Variants in VTI1A observed in about 807,000 individuals in gnomAD.
The protein encoded by VTI1A is vesicle transport through interaction with t-SNAREs homolog 1A.
VTI1A carries 22 observed loss-of-function variants against 34.9 expected under a neutral mutation model. That is an observed-to-expected ratio of 0.63 (90% CI 0.45 to 0.90). The LOEUF (loss-of-function observed/expected upper bound fraction) is 0.90. VTI1A is among the 40% of genes least tolerant of loss of function. VTI1A has a pLI of 0.00. For missense variants in VTI1A, 268 were observed against 275.6 expected, an observed-to-expected ratio of 0.97 and a Z score of 0.20; for synonymous variants, 87 against 97.3, an observed-to-expected ratio of 0.89 and a Z score of 0.62.
chr10:112,855,021 A>G, the VTI1A span, among the ~76,000 whole-genome samples: 344 of 152,312 alleles, frequency 2.3e-3, 1 homozygote, highest in Middle Eastern at 0.01. Context: ...GAGTTCTGCC[A>G]GTTCTTCCCA....
chr10:112,638,133 G>A (rs1464411205), intron 5 of VTI1A, among the ~76,000 whole-genome samples: 4 of 152,222 alleles, frequency 2.6e-5, no homozygotes, highest in African/African-American at 7.2e-5. Flanking sequence ...CTGGTTGTTG[G>A]CAGAGAGTTC....
At chr10:112,852,343 G>A in the VTI1A span, among the ~76,000 whole-genome samples, 13 of 152,130 alleles carry the variant, frequency 8.5e-5, no homozygotes, top group Non-Finnish European at 1.5e-4. Flanking sequence ...ATTTTCCCAC[G>A]TTGAGAAAGC....
At chr10:112,835,400 C>T in the VTI1A span, among the ~76,000 whole-genome samples, 2 of 152,160 alleles carry the variant, frequency 1.3e-5, no homozygotes, top group African/African-American at 4.8e-5. Flanking sequence ...GGGGGGCCTT[C>T]GAGGAGGCAT....
intron 7 of VTI1A, among the ~76,000 whole-genome samples, chr10:112,811,712 A>AAAAAAAAAAAAAAAAAAAAAAAAAAAGAT (rs67154330): frequency 1.2e-5 from 1 of 84,066 alleles, no homozygotes; most frequent in Admixed American, 1.4e-4. Context: ...AAAAAAAAAA[A>AAAAAAAAAAAAAAAAAAAAAAAAAAAGAT]GAGTGCAGTC....
At chr10:112,655,580 TTGG>T (rs1367044577) in intron 5 of VTI1A, among the ~76,000 whole-genome samples, 5 of 152,136 alleles carry the variant, frequency 3.3e-5, no homozygotes, top group Non-Finnish European at 7.4e-5. Context: ...AGGAAGTGTG[TTGG>T]TGGTCTTTGA....
At chr10:112,666,729 T>C (rs912346380) in intron 5 of VTI1A, among the ~76,000 whole-genome samples, 1 of 152,162 alleles carries the variant, frequency 6.6e-6, no homozygotes, top group Admixed American at 6.6e-5. Flanking sequence ...AATAAGATTT[T>C]AGCTCAAATG....
At chr10:112,642,494 CA>C (rs1846611398) in intron 5 of VTI1A, among the ~76,000 whole-genome samples, 1 of 152,222 alleles carries the variant, frequency 6.6e-6, no homozygotes, top group African/African-American at 2.4e-5. Context: ...AATTTAAAAG[CA>C]GTTGCTGATT....
intron 5 of VTI1A, among the ~76,000 whole-genome samples, chr10:112,603,214 A>G (rs1844943433): frequency 6.6e-6 from 1 of 152,230 alleles, no homozygotes; most frequent in East Asian, 1.9e-4. Context: ...AATTGCAAGC[A>G]TGAGTATAAC....
At chr10:112,631,016 G>A (rs1846109487) in intron 5 of VTI1A, among the ~76,000 whole-genome samples, 1 of 152,098 alleles carries the variant, frequency 6.6e-6, no homozygotes, top group Non-Finnish European at 1.5e-5. Flanking sequence ...CAGCTACCTG[G>A]GAGGCTGAGA....
chr10:112,756,876 G>A (rs1438776381), intron 7 of VTI1A, among the ~76,000 whole-genome samples: 3 of 151,862 alleles, frequency 2.0e-5, no homozygotes, highest in Non-Finnish European at 4.4e-5. Flanking sequence ...GCAAAACCCT[G>A]TCTCTACAAA....
At chr10:112,531,157 T>G (rs1850427034) in intron 4 of VTI1A, among the ~76,000 whole-genome samples, 1 of 151,416 alleles carries the variant, frequency 6.6e-6, no homozygotes, top group African/African-American at 2.4e-5. Flanking sequence ...CAGTGCAGTT[T>G]TGATTTTAGT....
chr10:112,612,824 A>G (rs531269556), intron 5 of VTI1A, among the ~76,000 whole-genome samples: 3 of 152,360 alleles, frequency 2.0e-5, no homozygotes, highest in East Asian at 1.9e-4. Flanking sequence ...AAAAGTTATA[A>G]TGAAGCATTT....
At chr10:112,737,408 A>T in intron 7 of VTI1A, 1 of 1,034,144 alleles carries the variant, frequency 9.7e-7, no homozygotes, top group Non-Finnish European at 1.2e-6. Context: ...TAAGAAGATA[A>T]TTAAAAAATG....
chr10:112,819,596 G>A (rs991970160), downstream of VTI1A, among the ~76,000 whole-genome samples: 8 of 152,146 alleles, frequency 5.3e-5, no homozygotes, highest in Admixed American at 6.5e-5. Context: ...TACAAACAGC[G>A]CTTCCCTAAT....
chr10:112,529,670 A>T (rs191021792), intron 4 of VTI1A, among the ~76,000 whole-genome samples: 5 of 152,234 alleles, frequency 3.3e-5, no homozygotes, highest in Admixed American at 2.6e-4. Context: ...TAAATGGATA[A>T]AACTTGGAGA....
chr10:112,828,573 T>A, the VTI1A span, among the ~76,000 whole-genome samples: 1 of 151,782 alleles, frequency 6.6e-6, no homozygotes, highest in South Asian at 2.1e-4. Context: ...GCCCGGCTAA[T>A]TTTTTGTATT....
rs188130744 is a variant in VTI1A, at chr10:112,503,016, G to A, written c.265-24071G>A. On this transcript the variant is annotated intron_variant, in intron 3 of 7. Transcript: ENST00000393077. ...TTATTTTTATTGATACATAATAGAT[G>A]TACATATTTTCAGGGTACATGTGAT... Among the ~76,000 whole-genome samples the A allele has an allele frequency of 9.3e-4, 141 of 152,208 alleles. 1 individual carries two copies. The highest frequency in any genetic ancestry group is 6.9e-3 in the East Asian group (36 of 5,186).
At chr10:112,478,286 T>C (rs1343352185) in intron 3 of VTI1A, among the ~76,000 whole-genome samples, 1 of 152,220 alleles carries the variant, frequency 6.6e-6, no homozygotes, top group Non-Finnish European at 1.5e-5. Flanking sequence ...ATTCATTCTG[T>C]GCTTCAGTTT....
intron 5 of VTI1A, among the ~76,000 whole-genome samples, chr10:112,604,887 G>C (rs752774250): frequency 1.3e-5 from 2 of 151,730 alleles, no homozygotes; most frequent in Non-Finnish European, 2.9e-5. Flanking sequence ...TTTAGAATAG[G>C]GTAATCAAAT....
Sources: gnomAD v4.1 joint callset for allele counts (sites outside exome capture counted in the v4.1 genomes callset) on GRCh38, gnomAD v4.1.1 for gene constraint, MANE v1.5 for transcripts, NCBI Gene and HGNC (gene_info 2026-07-23, HGNC 2026-07-21) for gene names.